The following BNIP1 variants were observed in gnomAD, a reference collection of about 807,000 sequenced individuals.
BNIP1 encodes vesicle transport protein SEC20.
In BNIP1, 25 loss-of-function variants were observed where a neutral mutation model predicts 28.5. That is an observed-to-expected ratio of 0.88 (90% confidence interval 0.64 to 1.23). The LOEUF (loss-of-function observed/expected upper bound fraction) is 1.23, where lower values mean the gene tolerates loss of function less well. BNIP1 is among the 50% of genes most tolerant of loss of function. The probability of loss-of-function intolerance (pLI) is 0.00; values close to 1 mark genes in which losing one functional copy is unlikely to be tolerated. For missense variants in BNIP1, 276 were observed against 277.0 expected, an observed-to-expected ratio of 1.00 and a Z score of 0.02; for synonymous variants, 118 against 101.7, an observed-to-expected ratio of 1.16 and a Z score of -0.96.
At chr5:173,162,351 C>A (rs768506731) in intron 5 of BNIP1, among the ~76,000 whole-genome samples, 3 of 152,136 alleles carry the variant, frequency 2.0e-5, no homozygotes, top group African/African-American at 7.2e-5. Context: ...TGGCCAGGCG[C>A]GGTGGCTCAT....
At chr5:173,163,625 T>C in intron 5 of BNIP1, 100 bp from the exon 6 acceptor site, 1 of 1,130,944 alleles carries the variant, frequency 8.8e-7, no homozygotes, top group Non-Finnish European at 1.2e-6. Flanking sequence ...GGAACTCACT[T>C]GAGAATGCTG....
At position 173,146,751 on chromosome 5, in the gene BNIP1, A is replaced by T. The variant is rs566396876; in HGVS notation, c.85-115A>T. 6.0e-6 allele frequency: 4 copies of T among 665,332 alleles called. No homozygotes were observed. The East Asian group carries it at 1.1e-4, about 18-fold the overall frequency. The allele number at this position is 665,332 out of a possible 1,614,324, so 41.2% of individuals were successfully genotyped here. A position where few individuals can be genotyped will look rare whatever the true frequency, so the allele number is the denominator to read the frequency against. On this transcript the variant is annotated intron_variant, in intron 1 of 5. Transcript: ENST00000351486. ...AGGTAAACAGCAAAGATCAGGATGAATTATAGTTAGTATGTTAATATTAGT... is the reference window on the plus strand; with the variant it reads ...AGGTAAACAGCAAAGATCAGGATGATTTATAGTTAGTATGTTAATATTAGT...
intron 1 of BNIP1, among the ~76,000 whole-genome samples, chr5:173,146,014 G>C (rs1759825981): frequency 6.6e-6 from 1 of 152,300 alleles, no homozygotes; most frequent in South Asian, 2.1e-4. Context: ...TCATACAAAT[G>C]AAATTACATT....
rs757642101 is a variant in BNIP1 at position 173,160,060 on chromosome 5, GGGCCT to G, written c.490+12_490+16del. 1.8e-5 allele frequency: 29 copies of G among 1,611,996 alleles called. No homozygotes were observed. Among genetic ancestry groups the G allele is most frequent in the Non-Finnish European group, 2.1e-5 (25 of 1,179,022 alleles). On this transcript the variant is annotated intron_variant, in intron 5 of 5. Coordinates refer to ENST00000351486, the MANE Select transcript of BNIP1 (RefSeq NM_001205.3). ...GGCCATGCAGTCTCTAGGTAAAGCT[GGGCCT>G]GGAGTAGGAAGCTTCTCCCAGAGAC...
chr5:173,155,428 C>T (rs1015631326), intron 3 of BNIP1, among the ~76,000 whole-genome samples: 18 of 152,212 alleles, frequency 1.2e-4, no homozygotes, highest in Middle Eastern at 3.4e-3. Flanking sequence ...TGGCCCAGTG[C>T]GGCGGCTCAC....
chr5:173,151,450 G>A, intron 2 of BNIP1: 1 of 1,061,564 alleles, frequency 9.4e-7, no homozygotes, highest in Non-Finnish European at 1.3e-6. Context: ...TTGAACTCCT[G>A]GACTCAAGTG....
At chr5:173,162,703 G>A (rs1257980305) in intron 5 of BNIP1, among the ~76,000 whole-genome samples, 2 of 152,048 alleles carry the variant, frequency 1.3e-5, no homozygotes, top group African/African-American at 2.4e-5. Flanking sequence ...CATTAGCCAC[G>A]TTTTTCTATG....
chr5:173,162,033 ATTTATCCTATTTAC>A (rs1173458893), intron 5 of BNIP1, among the ~76,000 whole-genome samples: 1 of 152,080 alleles, frequency 6.6e-6, no homozygotes, highest in Non-Finnish European at 1.5e-5. Flanking sequence ...TCCTCTGATA[ATTTATCCTATTTAC>A]TTATTAGCTT....
At position 173,159,062 on chromosome 5, in the gene BNIP1, A is replaced by G. The variant is rs920850832; in HGVS notation, c.371+217A>G. On this transcript the variant is annotated intron_variant, in intron 4 of 5. Transcript: ENST00000351486. ...GAATTTTTTTTTTTTTCTGAGATGA[A>G]GTCTCACTCTTGTAGCCCAGGCTGG... is the stretch of plus-strand genomic sequence containing the variant. 7.0e-4 allele frequency among the ~76,000 whole-genome samples: 106 copies of G among 151,858 alleles called. 1 individual carries two copies. The highest frequency in any genetic ancestry group is 1.0e-4 in the Non-Finnish European group (7 of 67,970).
intron 2 of BNIP1, chr5:173,151,608 T>G: frequency 6.4e-7 from 1 of 1,555,772 alleles, no homozygotes; most frequent in Non-Finnish European, 8.8e-7. Context: ...TGCTTCCACA[T>G]TTTTTTTTAA....
At chr5:173,159,073 T>A (rs929578863) in intron 4 of BNIP1, among the ~76,000 whole-genome samples, 1 of 152,116 alleles carries the variant, frequency 6.6e-6, no homozygotes, top group Non-Finnish European at 1.5e-5. Flanking sequence ...GTCTCACTCT[T>A]GTAGCCCAGG....
At chr5:173,149,020 C>G (rs193131318) in intron 2 of BNIP1, among the ~76,000 whole-genome samples, 187 of 152,258 alleles carry the variant, frequency 1.2e-3, no homozygotes, top group Non-Finnish European at 2.0e-3. Context: ...CTAGCACTTA[C>G]TCTGCCCTAG....
chr5:173,157,375 G>A (rs1239352990), intron 3 of BNIP1, among the ~76,000 whole-genome samples: 1 of 152,090 alleles, frequency 6.6e-6, no homozygotes, highest in East Asian at 1.9e-4. Flanking sequence ...TTCTTAGAGA[G>A]ACGCAGTTAG....
rs116173640 is a variant in BNIP1 at position 173,146,937 on chromosome 5, A to G, written c.156A>G (p.Gln52=). The change falls in exon 2 of 6, where the codon CAA becomes CAG. Residue 52 remains glutamine, a synonymous_variant. Transcript: ENST00000351486. ...ELNTKVKEKF[Q]QLRHRIQDLE... ...ATACTAAAGTAAAAGAGAAATTTCA[A>G]CAGTTGCGTCACAGAATACAGGTGG... The G allele has an allele frequency of 1.9e-4, 305 of 1,613,726 alleles. No individual in the cohort carries two copies. In the African/African-American group the frequency reaches 3.6e-3, roughly 19 times the overall value.
At chr5:173,146,417 G>C (rs1759837632) in intron 1 of BNIP1, among the ~76,000 whole-genome samples, 2 of 152,118 alleles carry the variant, frequency 1.3e-5, no homozygotes. Context: ...TATCACTAAT[G>C]GTTTGTAAAA....
chr5:173,160,066 G>C lies in BNIP1; in HGVS notation c.490+15G>C. The stretch of plus-strand genomic sequence containing the variant: ...GCAGTCTCTAGGTAAAGCTGGGCCT[G>C]GAGTAGGAAGCTTCTCCCAGAGACG... On this transcript the variant is annotated intron_variant, in intron 5 of 5. Coordinates refer to ENST00000351486, the MANE Select transcript of BNIP1 (RefSeq NM_001205.3). The C allele has an allele frequency of 6.2e-7, 1 of 1,610,060 alleles. No homozygotes were observed. The highest frequency in any genetic ancestry group is 8.5e-7 in the Non-Finnish European group (1 of 1,177,686).
Position 173,164,153 on chromosome 5 carries a change from C to T in BNIP1, c.*232C>T, listed in dbSNP as rs8069. On this transcript the variant is annotated 3_prime_UTR_variant, in exon 6 of 6. Coordinates refer to ENST00000351486, the MANE Select transcript of BNIP1 (RefSeq NM_001205.3). This position sits in a 1 kb window ranked among gnomAD's most constrained non-coding sequence, Gnocchi z 4.0. ...GATGCCGCCCTGGGGACATACGAAC[C>T]GCCTCCTTCCACCATTGTGCACTAT... 6 of 389,986 alleles carry T rather than the reference C, an allele frequency of 1.5e-5. No homozygotes were observed. The highest frequency in any genetic ancestry group is 8.8e-5 in the Admixed American group (2 of 22,736). The allele number at this position is 389,986 out of a possible 1,614,324, so 24.2% of individuals were successfully genotyped here.
intron 3 of BNIP1, among the ~76,000 whole-genome samples, chr5:173,158,456 G>A (rs1464265812): frequency 6.6e-6 from 1 of 152,232 alleles, no homozygotes; most frequent in African/African-American, 2.4e-5. Flanking sequence ...GTGGAGCTGT[G>A]CACAGAGGAG....
At chr5:173,147,561 A>G (rs751433222) in intron 2 of BNIP1, among the ~76,000 whole-genome samples, 1 of 149,008 alleles carries the variant, frequency 6.7e-6, no homozygotes, top group Non-Finnish European at 1.5e-5. Context: ...TCATTCATTC[A>G]CTACCTCAAT....
Sources: gnomAD v4.1 joint callset for allele counts (sites outside exome capture counted in the v4.1 genomes callset) on GRCh38, gnomAD v4.1.1 for gene constraint, Gnocchi (gnomAD v3.1) non-coding constraint, MANE v1.5 for transcripts, NCBI Gene and HGNC (gene_info 2026-07-23, HGNC 2026-07-21) for gene names.